EEF1AKMT2: variants seen among roughly 807,000 people sequenced by gnomAD.
EEF1AKMT2 encodes the protein EEF1A lysine methyltransferase 2, also known as eukaryotic translation elongation factor 1 alpha lysine methyltransferase 2.
A neutral mutation model predicts 35.8 loss-of-function variants in EEF1AKMT2; 32 were observed. The observed-to-expected ratio is 0.89, with a 90% CI of 0.67 to 1.20. EEF1AKMT2 has a LOEUF of 1.20. Among genes scored for constraint, EEF1AKMT2 ranks in the 50% most tolerant of loss-of-function variants. The probability of loss-of-function intolerance (pLI) is 0.00; values close to 1 mark genes in which losing one functional copy is unlikely to be tolerated. For synonymous variants in EEF1AKMT2, 121 were observed against 133.7 expected (o/e 0.91, Z 0.65); for missense variants, 330 against 347.5 (o/e 0.95, Z 0.40).
At chr10:124,777,235 C>T (rs750738650) in intron 3 of EEF1AKMT2, among the ~76,000 whole-genome samples, 10 of 148,134 alleles carry the variant, frequency 6.8e-5, no homozygotes, top group Admixed American at 6.8e-5. Flanking sequence ...GCCAAGATCG[C>T]GCCATTGCAC....
At chr10:124,768,590 T>A (rs1233283920) in intron 4 of EEF1AKMT2, among the ~76,000 whole-genome samples, 3 of 151,796 alleles carry the variant, frequency 2.0e-5, no homozygotes, top group Non-Finnish European at 4.4e-5. Context: ...ACTAAAAAAA[T>A]ACGAAGAAAA....
Position 124,791,858 on chromosome 10 carries a change from T to C in EEF1AKMT2, c.-25A>G. On this transcript the variant is annotated 5_prime_UTR_variant, in exon 1 of 7. Transcript: ENST00000368836. ...TTTCGCTCCACGTCCTGGACGGCCG[T>C]TGGGGCCGCCATAGAGACGGGGCAC... The C allele has an allele frequency of 1.3e-6, 2 of 1,544,592 alleles. No homozygotes were observed. The highest frequency in any genetic ancestry group is 1.4e-5 in the African/African-American group (1 of 73,072).
rs746657263 is a variant in EEF1AKMT2, at chr10:124,789,108, T to G, written c.226A>C (p.Lys76Gln). The G allele has an allele frequency of 5.6e-6, 9 of 1,613,834 alleles. No individual in the cohort carries two copies. Among genetic ancestry groups the G allele is most frequent in the Non-Finnish European group, 1.7e-6 (2 of 1,179,884 alleles). ...NRLIRWMQKHKIPLDASVLDI... is the reference protein window; with the variant it reads ...NRLIRWMQKHQIPLDASVLDI... ...AGCACTGAAGCATCCAGTGGAATCT[T>G]GTGTTTCTGCATCCACCTTATTAGT... The change falls in exon 3 of 7, where the codon AAG (lysine) becomes CAG (glutamine). Residue 76 changes from lysine to glutamine, a missense_variant. Physicochemically the swap from Lys to Gln is moderately conservative, Grantham distance 53. Coordinates refer to ENST00000368836, the MANE Select transcript of EEF1AKMT2 (RefSeq NM_212554.4).
At chr10:124,761,928 A>T in intron 6 of EEF1AKMT2, among the ~76,000 whole-genome samples, 1 of 152,184 alleles carries the variant, frequency 6.6e-6, no homozygotes, top group East Asian at 1.9e-4. Context: ...TCTCAAAATA[A>T]ATTTTAAAAT....
chr10:124,771,379 G>A (rs1430020333), intron 4 of EEF1AKMT2, among the ~76,000 whole-genome samples: 5 of 151,530 alleles, frequency 3.3e-5, no homozygotes, highest in Admixed American at 6.6e-5. Context: ...GATTACAGGC[G>A]TGAGCCACCG....
chr10:124,775,395 T>G (rs1326774110), intron 3 of EEF1AKMT2, among the ~76,000 whole-genome samples: 1 of 152,194 alleles, frequency 6.6e-6, no homozygotes, highest in African/African-American at 2.4e-5. Flanking sequence ...TTGAGAGTTT[T>G]GGTGTTTGCT....
intron 4 of EEF1AKMT2, chr10:124,766,190 G>A (rs1950376821): frequency 6.6e-6 from 1 of 152,236 alleles, no homozygotes; most frequent in Non-Finnish European, 1.5e-5. Context: ...AAAGTTCTTG[G>A]GCCTTGGCTG....
intron 3 of EEF1AKMT2, among the ~76,000 whole-genome samples, chr10:124,783,171 T>G (rs1253454275): frequency 1.5e-5 from 2 of 136,800 alleles, no homozygotes; most frequent in African/African-American, 2.7e-5. Flanking sequence ...GACAGAGTCT[T>G]ACTCTGTCTC....
chr10:124,769,890 G>A (rs551637380), intron 4 of EEF1AKMT2, among the ~76,000 whole-genome samples: 4 of 128,120 alleles, frequency 3.1e-5, no homozygotes, highest in Non-Finnish European at 6.4e-5. Flanking sequence ...AGGTTGTGGT[G>A]AGCCGAGATC....
rs543844728 is a variant in EEF1AKMT2, at chr10:124,781,740, C to A, written c.292-6958G>T. 6.7e-4 allele frequency among the ~76,000 whole-genome samples: 98 copies of A among 147,256 alleles called. 3 individuals are homozygous for A. The South Asian group carries it at 0.021, about 31-fold the overall frequency. On this transcript the variant is annotated intron_variant, in intron 3 of 6. Coordinates refer to ENST00000368836, the MANE Select transcript of EEF1AKMT2 (RefSeq NM_212554.4). ...CTAAAATAATTTCCAAGAAGAATTT[C>A]TTAGACAGAAAGAAAAAAAAAAAGC...
chr10:124,777,556 G>T (rs1174289043), intron 3 of EEF1AKMT2, among the ~76,000 whole-genome samples: 79 of 148,420 alleles, frequency 5.3e-4, no homozygotes, highest in African/African-American at 1.9e-3. Context: ...TCTCACTCTT[G>T]TAAGTCAGGC....
chr10:124,791,631 TC>T, intron 1 of EEF1AKMT2, 92 bp downstream of exon 1: 2 of 1,513,906 alleles, frequency 1.3e-6, no homozygotes, highest in Non-Finnish European at 1.8e-6. Context: ...GGTCTCCCTG[TC>T]CCTGAGCCCC....
At chr10:124,775,222 G>T (rs1301372389) in intron 3 of EEF1AKMT2, among the ~76,000 whole-genome samples, 2 of 152,098 alleles carry the variant, frequency 1.3e-5, no homozygotes, top group Non-Finnish European at 2.9e-5. Context: ...TATACATTAT[G>T]CAATTCTCCA....
intron 4 of EEF1AKMT2, among the ~76,000 whole-genome samples, chr10:124,770,852 C>T (rs898554197): frequency 2.6e-5 from 4 of 152,214 alleles, no homozygotes; most frequent in East Asian, 3.8e-4. Context: ...CTTATCTGAT[C>T]AAGTTTTATC....
chr10:124,775,965 T>A (rs1297378023), intron 3 of EEF1AKMT2, among the ~76,000 whole-genome samples: 3 of 151,866 alleles, frequency 2.0e-5, no homozygotes, highest in African/African-American at 7.3e-5. Context: ...TCGCCCAGGC[T>A]GCAATGCAGT....
chr10:124,762,688 T>A (rs966423947), intron 5 of EEF1AKMT2, 130 bp from the exon 6 acceptor site: 18 of 427,344 alleles, frequency 4.2e-5, no homozygotes, highest in African/African-American at 1.9e-4. Context: ...CAAATCATAA[T>A]AACCGAATAT....
At chr10:124,766,389 A>T (rs1475538413) in intron 4 of EEF1AKMT2, 1 of 152,214 alleles carries the variant, frequency 6.6e-6, no homozygotes, top group Non-Finnish European at 1.5e-5. Flanking sequence ...GAAATTAAAT[A>T]ACTGTTAAAC....
intron 4 of EEF1AKMT2, among the ~76,000 whole-genome samples, chr10:124,772,410 TTTTC>T (rs1230009493): frequency 9.7e-5 from 14 of 143,812 alleles, no homozygotes; most frequent in Middle Eastern, 3.5e-3. Flanking sequence ...AGATGGCTTC[TTTTC>T]TTTTTCTTTT....
At position 124,774,727 on chromosome 10, in the gene EEF1AKMT2, T is replaced by A; in HGVS notation, c.347A>T (p.Gln116Leu). The change falls in exon 4 of 7, where the codon CAG becomes CTG. Residue 116 changes from glutamine to leucine, a missense_variant. Coordinates refer to ENST00000368836, the MANE Select transcript of EEF1AKMT2 (RefSeq NM_212554.4). ...TGIDYSPSAIQLSGSIIEKEG... is the reference protein window; with the variant it reads ...TGIDYSPSAILLSGSIIEKEG... ...TTTTTCTATAATACTTCCAGAAAGC[T>A]GAATTGCAGAAGGAGAGTAATCAAT... The A allele has an allele frequency of 2.7e-6, 4 of 1,487,210 alleles. No homozygotes were observed. The highest frequency in any genetic ancestry group is 2.7e-6 in the Non-Finnish European group (3 of 1,123,144). The allele number at this position is 1,487,210 out of a possible 1,614,324, so 92.1% of individuals were successfully genotyped here.
Sources: allele counts gnomAD v4.1 joint callset (sites outside exome capture counted in the v4.1 genomes callset), GRCh38; gene constraint gnomAD v4.1.1; transcripts MANE v1.5; gene names NCBI Gene and HGNC (gene_info 2026-07-23, HGNC 2026-07-21).